Variants in ADGRV1 observed in about 807,000 individuals in gnomAD.
The protein encoded by ADGRV1 is adhesion G protein-coupled receptor V1, also known as G-protein coupled receptor 98.
In ADGRV1, 359 loss-of-function variants were observed where a neutral mutation model predicts 596.2. The ratio of observed to expected loss-of-function variants is 0.60; its 90% CI spans 0.55 to 0.66. The LOEUF is 0.66. Among genes scored for constraint, ADGRV1 ranks in the 30% least tolerant of loss-of-function variants. ADGRV1 has a pLI of 0.00. For synonymous variants in ADGRV1, 2,681 were observed against 2,679.2 expected (o/e 1.00, Z -0.02); for missense variants, 7,274 against 7,575.6 (o/e 0.96, Z 1.48).
At chr5:90,781,231 G>T (rs1581102750) in intron 64 of ADGRV1, 199 bp from the exon 65 acceptor site, 3 of 593,558 alleles carry the variant, frequency 5.1e-6, no homozygotes, top group Non-Finnish European at 6.0e-6. Flanking sequence ...CACTCATTGG[G>T]AGCAACACAG....
intron 42 of ADGRV1, 30 bp downstream of exon 42, chr5:90,712,458 C>G: frequency 1.3e-6 from 2 of 1,518,846 alleles, no homozygotes; most frequent in Non-Finnish European, 1.8e-6. Flanking sequence ...AAACAGCTTC[C>G]TCTCCTTCAT....
At position 90,652,561 on chromosome 5, in the gene ADGRV1, C is replaced by T; in HGVS notation, c.3632C>T (p.Ser1211Leu). The change falls in exon 19 of 90, where the codon TCA becomes TTA. Residue 1211 changes from serine to leucine, a missense_variant and splice_region_variant. Ser to Leu is a moderately radical substitution (Grantham distance 145). Around this residue, in one of 5 missense-constraint regions of ADGRV1, gnomAD observed 1,715 missense variants for 1,708.8 expected, o/e 1.00. Coordinates refer to ENST00000405460, the MANE Select transcript of ADGRV1 (RefSeq NM_032119.4). ...TATTTCCTAAAACTTGTAAACATTTCAGGTACTGTGTTTTTCCATGTCTTA... is the reference window on the plus strand; with the variant it reads ...TATTTCCTAAAACTTGTAAACATTTTAGGTACTGTGTTTTTCCATGTCTTA... ...EFYFLKLVNI[S>L]GGSPGPGGQL... is the part of the protein sequence containing the mutation. 6.3e-7 allele frequency: 1 copy of T among 1,577,498 alleles called. No homozygotes were observed. The highest frequency in any genetic ancestry group is 1.1e-5 in the South Asian group (1 of 88,494).
chr5:90,806,202 T>C (rs1016524649), intron 72 of ADGRV1, among the ~76,000 whole-genome samples: 2 of 152,176 alleles, frequency 1.3e-5, no homozygotes, highest in African/African-American at 4.8e-5. Context: ...AGATGGGGGA[T>C]GAGGGCTAGG....
intron 59 of ADGRV1, among the ~76,000 whole-genome samples, chr5:90,773,243 A>G (rs1757881735): frequency 6.6e-6 from 1 of 152,126 alleles, no homozygotes; most frequent in South Asian, 2.1e-4. Flanking sequence ...TGAAGGAAAA[A>G]TTAAGGAGAC....
At chr5:90,593,008 A>C (rs1363309126) in intron 1 of ADGRV1, among the ~76,000 whole-genome samples, 2 of 152,216 alleles carry the variant, frequency 1.3e-5, no homozygotes, top group Non-Finnish European at 2.9e-5. Flanking sequence ...TGGGAGTGTA[A>C]ATTAGCTCAA....
intron 79 of ADGRV1, among the ~76,000 whole-genome samples, 173 bp downstream of exon 79, chr5:90,848,994 A>C (rs187603683): frequency 6.6e-6 from 1 of 152,240 alleles, no homozygotes; most frequent in Non-Finnish European, 1.5e-5. Context: ...TAGCAGGTAC[A>C]TCAAAAAAAT....
intron 59 of ADGRV1, among the ~76,000 whole-genome samples, chr5:90,766,607 G>A (rs551311019): frequency 6.6e-6 from 1 of 152,160 alleles, no homozygotes; most frequent in African/African-American, 2.4e-5. Flanking sequence ...GCATATTACA[G>A]TCCATCTTTA....
chr5:90,756,413 T>A, intron 55 of ADGRV1, 41 bp from the exon 56 acceptor site: 2 of 1,336,952 alleles, frequency 1.5e-6, no homozygotes, highest in Non-Finnish European at 1.0e-6. Context: ...TTAAATGTCT[T>A]AAAAAAAAAT....
chr5:90,592,758 A>T (rs1280422132), intron 1 of ADGRV1, among the ~76,000 whole-genome samples: 2 of 152,206 alleles, frequency 1.3e-5, no homozygotes, highest in African/African-American at 4.8e-5. Context: ...CAAGGAAAAA[A>T]CAAACAACCC....
At chr5:91,003,461 A>G (rs899085209) in intron 85 of ADGRV1, among the ~76,000 whole-genome samples, 1 of 152,188 alleles carries the variant, frequency 6.6e-6, no homozygotes, top group Non-Finnish European at 1.5e-5. Context: ...GTGATATTTT[A>G]TATGACTATC....
At position 91,155,533 on chromosome 5, in the gene ADGRV1, A is replaced by C. The variant is rs187906062; in HGVS notation, c.18802+2135A>C. 5.3e-4 allele frequency among the ~76,000 whole-genome samples: 81 copies of C among 152,314 alleles called. 1 individual carries two copies. Among genetic ancestry groups the C allele is most frequent in the Non-Finnish European group, 4.4e-5 (3 of 68,036 alleles). The stretch of plus-strand genomic sequence containing the variant: ...TCATTCCGCAATGGGAGGATCCCTG[A>C]CCCAGTATATTTGGGCAATTGCAGA... On this transcript the variant is annotated intron_variant, in intron 89 of 89. Transcript: ENST00000405460.
chr5:90,871,633 C>T (rs1302723942), intron 83 of ADGRV1, among the ~76,000 whole-genome samples: 1 of 152,194 alleles, frequency 6.6e-6, no homozygotes, highest in East Asian at 1.9e-4. Flanking sequence ...CAAAAAATAC[C>T]AGTTTGGAAC....
Position 90,652,573 on chromosome 5 carries a change from T to G in ADGRV1, c.3634+10T>G. ...CTTGTAAACATTTCAGGTACTGTGT[T>G]TTTCCATGTCTTATTTTATTTCCAT... On this transcript the variant is annotated intron_variant, in intron 19 of 89. Coordinates refer to ENST00000405460, the MANE Select transcript of ADGRV1 (RefSeq NM_032119.4). The G allele has an allele frequency of 1.3e-6, 2 of 1,524,574 alleles. No individual in the cohort carries two copies. Among genetic ancestry groups the G allele is most frequent in the South Asian group, 1.2e-5 (1 of 83,996 alleles). The allele number at this position is 1,524,574 out of a possible 1,614,324, so 94.4% of individuals were successfully genotyped here.
At chr5:90,729,219 C>T (rs1271832986) in intron 49 of ADGRV1, among the ~76,000 whole-genome samples, 2 of 152,186 alleles carry the variant, frequency 1.3e-5, no homozygotes, top group South Asian at 2.1e-4. Flanking sequence ...ACGCAGGATG[C>T]AAACAAGTAA....
intron 48 of ADGRV1, among the ~76,000 whole-genome samples, chr5:90,726,175 A>T (rs1345441098): frequency 6.6e-6 from 1 of 152,206 alleles, no homozygotes; most frequent in African/African-American, 2.4e-5. Flanking sequence ...CCCAACACCA[A>T]ATTCAAAAAC....
At chr5:90,821,489 G>A (rs1379492626) in intron 75 of ADGRV1, among the ~76,000 whole-genome samples, 6 of 151,406 alleles carry the variant, frequency 4.0e-5, no homozygotes, top group East Asian at 1.9e-4. Flanking sequence ...GAGGAGAGGC[G>A]CTCTGCGTTT....
intron 85 of ADGRV1, among the ~76,000 whole-genome samples, chr5:91,008,042 CTCTT>C (rs1179345680): frequency 6.6e-6 from 1 of 152,066 alleles, no homozygotes; most frequent in Non-Finnish European, 1.5e-5. Context: ...TTAATTGTGT[CTCTT>C]TCTTCTTTTC....
intron 86 of ADGRV1, among the ~76,000 whole-genome samples, chr5:91,088,365 G>A (rs1478720370): frequency 6.6e-6 from 1 of 151,792 alleles, no homozygotes; most frequent in Non-Finnish European, 1.5e-5. Context: ...TTGCTACCAT[G>A]AAAAAAAATT....
At chr5:90,937,330 G>A (rs1304384913) in intron 83 of ADGRV1, among the ~76,000 whole-genome samples, 2 of 151,914 alleles carry the variant, frequency 1.3e-5, no homozygotes, top group Non-Finnish European at 2.9e-5. Flanking sequence ...ATAATTTTAA[G>A]CCTTATCTTT....
Sources: allele counts gnomAD v4.1 joint callset (sites outside exome capture counted in the v4.1 genomes callset), GRCh38; gene constraint gnomAD v4.1.1; regional missense constraint gnomAD v4.1.1; transcripts MANE v1.5; gene names NCBI Gene and HGNC (gene_info 2026-07-23, HGNC 2026-07-21).